Variants in SORCS3 observed in about 807,000 individuals in gnomAD.
The protein encoded by SORCS3 is sortilin related VPS10 domain containing receptor 3.
Under a neutral mutation model 146.3 loss-of-function variants are expected in SORCS3, and 57 were observed. The observed-to-expected ratio is 0.39, with a 90% confidence interval of 0.31 to 0.49. The LOEUF is 0.49. Ranked by LOEUF, SORCS3 falls within the 20% of genes least tolerant of loss-of-function variation. The pLI is 0.92. For synonymous variants in SORCS3, 653 were observed against 618.5 expected (o/e 1.06, Z -0.83); for missense variants, 1,341 against 1,575.5 (o/e 0.85, Z 2.52).
At chr10:104,735,413 G>A (rs189731697) in intron 1 of SORCS3, among the ~76,000 whole-genome samples, 3 of 142,058 alleles carry the variant, frequency 2.1e-5, no homozygotes, top group Admixed American at 7.4e-5. Context: ...TGTTTATTTC[G>A]GGCTGGAGCC....
At chr10:104,989,132 A>G (rs186945140) in intron 4 of SORCS3, among the ~76,000 whole-genome samples, 4 of 152,378 alleles carry the variant, frequency 2.6e-5, no homozygotes, top group Admixed American at 2.0e-4. Context: ...TCATTGCCGT[A>G]TAATATATCA....
intron 1 of SORCS3, among the ~76,000 whole-genome samples, chr10:104,697,838 CAT>C (rs2016234576): frequency 6.6e-6 from 1 of 152,098 alleles, no homozygotes; most frequent in African/African-American, 2.4e-5. Flanking sequence ...TGCTCTATAA[CAT>C]AGTAGTTGAT....
intron 6 of SORCS3, among the ~76,000 whole-genome samples, chr10:105,096,880 A>G (rs2133746976): frequency 6.6e-6 from 1 of 152,328 alleles, no homozygotes; most frequent in South Asian, 2.1e-4. Context: ...TTGTTCCTTG[A>G]TAATTTTTAT....
At chr10:104,859,453 G>A (rs903378683) in intron 2 of SORCS3, among the ~76,000 whole-genome samples, 2 of 152,102 alleles carry the variant, frequency 1.3e-5, no homozygotes, top group East Asian at 1.9e-4. Flanking sequence ...TAGACCTAAA[G>A]CCATAAAAAC....
rs58506921 is a variant in SORCS3 at position 104,752,189 on chromosome 10, C to T, written c.628-90603C>T. 4.0e-3 allele frequency among the ~76,000 whole-genome samples: 602 copies of T among 151,310 alleles called. 5 individuals carry two copies. Among genetic ancestry groups the T allele is most frequent in the African/African-American group, 0.014 (575 of 41,282 alleles). ...AGCTGGGATTACAAGTGCCTGCCAC[C>T]ATGCTGTCTATTTTTTTTGTATTTT... is the stretch of plus-strand genomic sequence containing the variant. On this transcript the variant is annotated intron_variant, in intron 1 of 26. Coordinates refer to ENST00000369701, the MANE Select transcript of SORCS3 (RefSeq NM_014978.3).
chr10:104,654,207 A>G (rs2015597424), intron 1 of SORCS3, among the ~76,000 whole-genome samples: 1 of 152,174 alleles, frequency 6.6e-6, no homozygotes, highest in Non-Finnish European at 1.5e-5. Flanking sequence ...TCATCTGTTG[A>G]TGGACAGTCA....
intron 1 of SORCS3, among the ~76,000 whole-genome samples, chr10:104,782,534 C>T (rs2017387289): frequency 6.6e-6 from 1 of 152,228 alleles, no homozygotes; most frequent in Non-Finnish European, 1.5e-5. Context: ...GCAGTAACTA[C>T]ACCTTACAAA....
chr10:104,930,382 G>A lies in SORCS3; in HGVS notation c.795+14450G>A, dbSNP rs143648455. Among the ~76,000 whole-genome samples the A allele has an allele frequency of 2.9e-3, 445 of 152,238 alleles. 2 individuals carry two copies. Among genetic ancestry groups the A allele is most frequent in the South Asian group, 0.018 (89 of 4,816 alleles). Reference sequence around the variant, plus strand: ...ATACTGTGTGTTATTGGTCTCTCCTGGCTTAGATGGGTACCATGACCCTCT... The same window carrying A: ...ATACTGTGTGTTATTGGTCTCTCCTAGCTTAGATGGGTACCATGACCCTCT... On this transcript the variant is annotated intron_variant, in intron 3 of 26. Coordinates refer to ENST00000369701, the MANE Select transcript of SORCS3 (RefSeq NM_014978.3).
chr10:105,143,077 C>T (rs540454624), intron 8 of SORCS3, among the ~76,000 whole-genome samples: 40 of 152,202 alleles, frequency 2.6e-4, no homozygotes, highest in South Asian at 1.2e-3. Context: ...ATATTCTTTG[C>T]CTGTACATCC....
At chr10:104,988,301 G>A (rs2054973957) in intron 4 of SORCS3, among the ~76,000 whole-genome samples, 1 of 152,098 alleles carries the variant, frequency 6.6e-6, no homozygotes, top group Non-Finnish European at 1.5e-5. Context: ...GCTCCAGAGA[G>A]CACAATAGAG....
chr10:104,915,199 C>G (rs1467383109), intron 2 of SORCS3, among the ~76,000 whole-genome samples: 1 of 152,122 alleles, frequency 6.6e-6, no homozygotes, highest in African/African-American at 2.4e-5. Context: ...GAGTGATGAA[C>G]CCCTCCTCTG....
chr10:104,813,921 TTTTC>T (rs1426554677), intron 1 of SORCS3, among the ~76,000 whole-genome samples: 1 of 150,090 alleles, frequency 6.7e-6, no homozygotes, highest in African/African-American at 2.5e-5. Flanking sequence ...GGGAGTTTTC[TTTTC>T]TTTCTTTTTT....
chr10:104,679,229 T>C (rs1488316118), intron 1 of SORCS3, among the ~76,000 whole-genome samples: 1 of 152,148 alleles, frequency 6.6e-6, no homozygotes, highest in Non-Finnish European at 1.5e-5. Context: ...GAATTTCTTA[T>C]AAAGTAGAAA....
At chr10:105,065,502 CT>C (rs2055517112) in intron 5 of SORCS3, among the ~76,000 whole-genome samples, 1 of 151,782 alleles carries the variant, frequency 6.6e-6, no homozygotes, top group African/African-American at 2.4e-5. Flanking sequence ...TGCTAAAAGC[CT>C]TATACTCTAA....
At chr10:105,202,326 TCA>T (rs1196166357) in intron 16 of SORCS3, among the ~76,000 whole-genome samples, 1 of 152,160 alleles carries the variant, frequency 6.6e-6, no homozygotes, top group Non-Finnish European at 1.5e-5. Flanking sequence ...CTTACCTCAT[TCA>T]CTGTATTGCA....
At chr10:105,047,875 T>G (rs968752230) in intron 5 of SORCS3, among the ~76,000 whole-genome samples, 1 of 152,080 alleles carries the variant, frequency 6.6e-6, no homozygotes, top group East Asian at 1.9e-4. Context: ...GTGTCCCTCC[T>G]GGTGTGTGTA....
At chr10:104,924,399 A>G (rs2019117895) in intron 3 of SORCS3, among the ~76,000 whole-genome samples, 1 of 152,206 alleles carries the variant, frequency 6.6e-6, no homozygotes, top group African/African-American at 2.4e-5. Context: ...TGGTAGGAAA[A>G]TAGCATTCCA....
intron 4 of SORCS3, among the ~76,000 whole-genome samples, chr10:105,017,910 A>T (rs1240365008): frequency 6.6e-6 from 1 of 152,164 alleles, no homozygotes; most frequent in Non-Finnish European, 1.5e-5. Flanking sequence ...GGCCTCTTTC[A>T]TGGGGTGTTT....
At chr10:104,754,096 A>ACT (rs2017019346) in intron 1 of SORCS3, among the ~76,000 whole-genome samples, 1 of 152,152 alleles carries the variant, frequency 6.6e-6, no homozygotes, top group African/African-American at 2.4e-5. Context: ...GCTATGTGCT[A>ACT]GGCACTGCGC....
Sources: allele counts gnomAD v4.1 joint callset (sites outside exome capture counted in the v4.1 genomes callset), GRCh38; gene constraint gnomAD v4.1.1; transcripts MANE v1.5; gene names NCBI Gene and HGNC (gene_info 2026-07-23, HGNC 2026-07-21).